The following WDR12 variants were observed in gnomAD, a reference collection of about 807,000 sequenced individuals.
WDR12 encodes the protein ribosome biogenesis protein WDR12.
In WDR12, 42 loss-of-function variants were observed where a neutral mutation model predicts 64.3. The ratio of observed to expected loss-of-function variants is 0.65; its 90% CI spans 0.51 to 0.84. The LOEUF is 0.84. Ranked by LOEUF, WDR12 falls within the 40% of genes least tolerant of loss-of-function variation. The pLI is 0.00. For missense variants in WDR12, 469 were observed against 494.6 expected (o/e 0.95, Z 0.49); for synonymous variants, 158 against 173.3 (o/e 0.91, Z 0.70).
chr2:202,902,782 C>T (rs1039908994), intron 2 of WDR12, among the ~76,000 whole-genome samples: 1 of 152,126 alleles, frequency 6.6e-6, no homozygotes, highest in African/African-American at 2.4e-5. Flanking sequence ...ATCTTGTGAT[C>T]GTGTGAGTCA....
At chr2:202,882,016 T>A (rs1380902483) in intron 12 of WDR12, among the ~76,000 whole-genome samples, 1 of 151,240 alleles carries the variant, frequency 6.6e-6, no homozygotes, top group African/African-American at 2.4e-5. Flanking sequence ...GTTCATTGCA[T>A]CCTCGACCTC....
chr2:202,888,994 G>C (rs928878707), intron 8 of WDR12, among the ~76,000 whole-genome samples: 1 of 152,002 alleles, frequency 6.6e-6, no homozygotes, highest in African/African-American at 2.4e-5. Context: ...CCACCTTCTC[G>C]GGCCCCAAAT....
At chr2:202,893,211 A>G (rs1238425865) in intron 7 of WDR12, among the ~76,000 whole-genome samples, 1 of 152,102 alleles carries the variant, frequency 6.6e-6, no homozygotes, top group Non-Finnish European at 1.5e-5. Flanking sequence ...ACCCAGATTG[A>G]AAACTACATA....
At chr2:202,902,559 C>T (rs997585468) in intron 2 of WDR12, among the ~76,000 whole-genome samples, 3 of 152,194 alleles carry the variant, frequency 2.0e-5, no homozygotes, top group African/African-American at 7.2e-5. Context: ...GATCAGTCTT[C>T]AGGCCTTTAT....
At position 202,899,544 on chromosome 2, in the gene WDR12, C is replaced by T. The variant is rs773445636; in HGVS notation, c.325G>A (p.Gly109Arg). Residue 109 changes from glycine (G) to arginine (R), a missense_variant, in exon 4 of 13, where the codon GGG (glycine) becomes AGG (arginine). Physicochemically the swap from Gly to Arg is moderately radical, Grantham distance 125. Coordinates refer to ENST00000261015, the MANE Select transcript of WDR12 (RefSeq NM_018256.4). ...FHDDWISSIK[G>R]AEEWILTGSY... ...ATCTGGCAATACCATTCCTCTGCCC[C>T]TTTAATTGAACTGATCCAGTCATCA... 6.2e-7 allele frequency: 1 copy of T among 1,613,786 alleles called. No individual in the cohort carries two copies. Among genetic ancestry groups the T allele is most frequent in the Non-Finnish European group, 8.5e-7 (1 of 1,179,820 alleles).
chr2:202,902,466 C>T (rs143083811), intron 2 of WDR12, among the ~76,000 whole-genome samples: 31 of 152,280 alleles, frequency 2.0e-4, no homozygotes, highest in Non-Finnish European at 2.9e-4. Context: ...CAGACCTACC[C>T]TCTATCTGGG....
intron 8 of WDR12, among the ~76,000 whole-genome samples, chr2:202,892,090 ATCTT>A (rs1362467632): frequency 6.6e-6 from 1 of 152,242 alleles, no homozygotes; most frequent in East Asian, 1.9e-4. Context: ...AATATGTTCA[ATCTT>A]TATCAATTAA....
intron 7 of WDR12, among the ~76,000 whole-genome samples, chr2:202,893,936 T>C (rs549327178): frequency 1.3e-5 from 2 of 152,282 alleles, no homozygotes; most frequent in East Asian, 1.9e-4. Flanking sequence ...GTAAAATGAC[T>C]CAAAAGTCAT....
intron 12 of WDR12, among the ~76,000 whole-genome samples, chr2:202,881,338 G>A (rs1292930981): frequency 1.3e-5 from 2 of 152,186 alleles, no homozygotes; most frequent in Non-Finnish European, 2.9e-5. Flanking sequence ...TAGGCAGTAA[G>A]AGCTTACGTA....
intron 1 of WDR12, among the ~76,000 whole-genome samples, chr2:202,909,314 T>C (rs1199378445): frequency 2.6e-5 from 4 of 152,048 alleles, no homozygotes; most frequent in Non-Finnish European, 4.4e-5. Context: ...AATGGAAAAA[T>C]ATGGTACCTC....
intron 6 of WDR12, among the ~76,000 whole-genome samples, chr2:202,895,564 C>T (rs1688223406): frequency 7.2e-6 from 1 of 139,664 alleles, no homozygotes; most frequent in Non-Finnish European, 1.5e-5. Context: ...TCTTGTTGGG[C>T]CCAGGCTGGA....
At chr2:202,896,278 A>ATG (rs1688240844) in intron 5 of WDR12, 59 bp from the exon 6 acceptor site, 4 of 1,508,466 alleles carry the variant, frequency 2.7e-6, no homozygotes, top group Non-Finnish European at 3.5e-6. Context: ...AGAATACATC[A>ATG]TGTTCTGAAA....
intron 4 of WDR12, among the ~76,000 whole-genome samples, chr2:202,898,212 G>A (rs538392997): frequency 1.7e-4 from 26 of 151,798 alleles, no homozygotes; most frequent in African/African-American, 2.9e-4. Flanking sequence ...AGGCAGTGGC[G>A]CGATCTCAGC....
At chr2:202,892,438 G>A (rs1441014640) in intron 8 of WDR12, among the ~76,000 whole-genome samples, 179 bp downstream of exon 8, 1 of 152,134 alleles carries the variant, frequency 6.6e-6, no homozygotes, top group African/African-American at 2.4e-5. Context: ...ACAAATAAAT[G>A]TAGCAACAAT....
At chr2:202,889,943 G>T (rs1389548493) in intron 8 of WDR12, among the ~76,000 whole-genome samples, 1 of 151,802 alleles carries the variant, frequency 6.6e-6, no homozygotes, top group African/African-American at 2.4e-5. Flanking sequence ...TAGCCTGAGC[G>T]TATTGGCTCA....
At chr2:202,882,623 C>T (rs914859240) in intron 12 of WDR12, 88 bp downstream of exon 12, 21 of 1,399,034 alleles carry the variant, frequency 1.5e-5, no homozygotes, top group Non-Finnish European at 2.0e-5. Flanking sequence ...CCACTGCACC[C>T]GGCCCGAAAC....
chr2:202,897,106 A>G (rs1688258609), intron 5 of WDR12, among the ~76,000 whole-genome samples, 194 bp downstream of exon 5: 1 of 152,222 alleles, frequency 6.6e-6, no homozygotes, highest in African/African-American at 2.4e-5. Flanking sequence ...ATTTTAATAA[A>G]GATACACTTC....
At position 202,884,289 on chromosome 2, in the gene WDR12, C is replaced by G; in HGVS notation, c.897G>C (p.Val299=). ...SLKSTLTGNK[V]FNCISYSPLC... ...GTGGAGAATAGGAAATACAATTAAA[C>G]ACTTTATTTCCTGTCTGAAAAAGAA... Residue 299 remains valine (V), a synonymous_variant, in exon 10 of 13, where the codon GTG becomes GTC. Transcript: ENST00000261015. The G allele has an allele frequency of 6.2e-7, 1 of 1,614,008 alleles. No individual in the cohort carries two copies.
At chr2:202,901,436 C>G (rs1011643194) in intron 2 of WDR12, among the ~76,000 whole-genome samples, 2 of 152,114 alleles carry the variant, frequency 1.3e-5, no homozygotes, top group Non-Finnish European at 2.9e-5. Flanking sequence ...CCCTCCATTC[C>G]CCGGCTGGTT....
Sources: gnomAD v4.1 joint callset for allele counts (sites outside exome capture counted in the v4.1 genomes callset) on GRCh38, gnomAD v4.1.1 for gene constraint, MANE v1.5 for transcripts, NCBI Gene and HGNC (gene_info 2026-07-23, HGNC 2026-07-21) for gene names.